CTNNA3: variants seen among roughly 807,000 people sequenced by gnomAD.
CTNNA3 encodes the protein catenin alpha 3, also known as catenin alpha-3.
A neutral mutation model predicts 95.7 loss-of-function variants in CTNNA3; 76 were observed. The observed-to-expected ratio is 0.79, with a 90% CI of 0.66 to 0.96. The LOEUF is 0.96. CTNNA3 is among the 40% of genes least tolerant of loss of function. The probability of loss-of-function intolerance (pLI) is 0.00; values close to 1 mark genes in which losing one functional copy is unlikely to be tolerated. For missense variants in CTNNA3, 1,191 were observed against 1,089.8 expected (o/e 1.09, Z -1.31); for synonymous variants, 431 against 374.4 (o/e 1.15, Z -1.74).
chr10:66,607,812 G>A (rs890132736), intron 10 of CTNNA3, among the ~76,000 whole-genome samples: 6 of 152,028 alleles, frequency 3.9e-5, no homozygotes, highest in African/African-American at 1.4e-4. Flanking sequence ...AATAATAACA[G>A]TCATCTATGA....
At chr10:66,829,854 T>TTGTTGTTGTTGTTGTTG (rs1842650574) in intron 7 of CTNNA3, among the ~76,000 whole-genome samples, 3 of 148,256 alleles carry the variant, frequency 2.0e-5, no homozygotes, top group African/African-American at 7.5e-5. Flanking sequence ...CCCCAGGGGA[T>TTGTTGTTGTTGTTGTTG]TTGTTGTTGT....
intron 12 of CTNNA3, among the ~76,000 whole-genome samples, chr10:66,284,197 T>A (rs1238183464): frequency 6.6e-6 from 1 of 151,946 alleles, no homozygotes; most frequent in African/African-American, 2.4e-5. Context: ...CTATACTTTC[T>A]CTGCCTACTT....
intron 13 of CTNNA3, among the ~76,000 whole-genome samples, chr10:66,188,534 T>C (rs944466986): frequency 2.7e-5 from 4 of 150,848 alleles, no homozygotes; most frequent in Admixed American, 6.6e-5. Context: ...GGTGATTTTC[T>C]TATTTTTAAA....
intron 5 of CTNNA3, among the ~76,000 whole-genome samples, chr10:67,496,830 A>T: frequency 6.6e-6 from 1 of 152,202 alleles, no homozygotes; most frequent in East Asian, 1.9e-4. Context: ...AATTCCAATG[A>T]TAAACACTTA....
chr10:67,081,445 T>G (rs1857052254), intron 7 of CTNNA3, among the ~76,000 whole-genome samples: 1 of 152,206 alleles, frequency 6.6e-6, no homozygotes, highest in African/African-American at 2.4e-5. Context: ...AACTGTAAGA[T>G]GCAGATTATT....
rs115195273 is a variant in CTNNA3, at chr10:66,111,467, T to C, written c.1885-8218A>G. On this transcript the variant is annotated intron_variant, in intron 13 of 17. Transcript: ENST00000433211. ...TTTTTCAGTTCCATTATAGCCTTCT[T>C]AGGGGACCATTATCCTATATGCAGT... 5.7e-3 allele frequency among the ~76,000 whole-genome samples: 864 copies of C among 152,328 alleles called. 8 individuals carry two copies. The highest frequency in any genetic ancestry group is 0.02 in the African/African-American group (818 of 41,568).
At chr10:66,947,833 C>A (rs993974295) in intron 7 of CTNNA3, among the ~76,000 whole-genome samples, 2 of 152,134 alleles carry the variant, frequency 1.3e-5, no homozygotes, top group South Asian at 4.1e-4. Flanking sequence ...AGTCATGTGG[C>A]GCTTAGCGAC....
chr10:67,293,670 C>A, intron 5 of CTNNA3, among the ~76,000 whole-genome samples: 1 of 119,492 alleles, frequency 8.4e-6, no homozygotes, highest in African/African-American at 3.3e-5. Context: ...CTCCCCCTCC[C>A]CCCACCCCAC....
At chr10:66,376,666 A>G (rs76873699) in intron 12 of CTNNA3, among the ~76,000 whole-genome samples, 2,809 of 152,276 alleles carry the variant, frequency 0.018, 74 homozygotes, top group African/African-American at 0.065. Flanking sequence ...TTGGTAATAA[A>G]CAACAATTCA....
intron 11 of CTNNA3, among the ~76,000 whole-genome samples, chr10:66,481,391 T>C (rs916796199): frequency 6.6e-6 from 1 of 151,766 alleles, no homozygotes; most frequent in Non-Finnish European, 1.5e-5. Context: ...TACTTACTAA[T>C]TATTATAAGT....
chr10:66,451,853 C>T (rs750414008), intron 11 of CTNNA3, among the ~76,000 whole-genome samples: 2 of 152,180 alleles, frequency 1.3e-5, no homozygotes, highest in African/African-American at 2.4e-5. Context: ...CTAAGCATCC[C>T]GACAGGGCCA....
intron 5 of CTNNA3, among the ~76,000 whole-genome samples, chr10:67,464,997 T>C (rs1847531629): frequency 6.6e-6 from 1 of 152,044 alleles, no homozygotes; most frequent in African/African-American, 2.4e-5. Context: ...ATGAAGGCAA[T>C]TGCCTGTGTT....
In CTNNA3 at chr10:67,478,923, GATCT is replaced by G. The variant is rs529268717; in HGVS notation, c.579+42915_579+42918del. ...GCTACCAAGTAATGAGTTGGGAAAA[GATCT>G]ATCATGTAAACAGAAAACAAAAAAA... On this transcript the variant is annotated intron_variant, in intron 5 of 17. Transcript: ENST00000433211. Among the ~76,000 whole-genome samples, 12 of 149,720 alleles carry G rather than the reference GATCT, an allele frequency of 8.0e-5. No homozygotes were observed. In the East Asian group the frequency reaches 2.4e-3, roughly 30 times the overall value.
intron 3 of CTNNA3, among the ~76,000 whole-genome samples, chr10:67,589,695 A>G (rs960017554): frequency 1.3e-5 from 2 of 152,134 alleles, no homozygotes; most frequent in Non-Finnish European, 2.9e-5. Flanking sequence ...TTGCAATTAA[A>G]ATCTATAATT....
At chr10:66,121,866 AC>A (rs2082598412) in intron 13 of CTNNA3, among the ~76,000 whole-genome samples, 2 of 152,214 alleles carry the variant, frequency 1.3e-5, no homozygotes, top group East Asian at 3.8e-4. Flanking sequence ...GCTGAGGTTT[AC>A]CAACTTTTTA....
At chr10:67,079,917 T>C (rs186627473) in intron 7 of CTNNA3, among the ~76,000 whole-genome samples, 13 of 132,014 alleles carry the variant, frequency 9.8e-5, no homozygotes, top group Admixed American at 6.8e-4. Context: ...ACAAAGATAG[T>C]CACTAACACA....
At chr10:66,251,876 G>T (rs1355027959) in intron 13 of CTNNA3, among the ~76,000 whole-genome samples, 3 of 152,208 alleles carry the variant, frequency 2.0e-5, no homozygotes, top group Non-Finnish European at 4.4e-5. Flanking sequence ...TCCCCATTTT[G>T]CAAATGAGGA....
intron 12 of CTNNA3, among the ~76,000 whole-genome samples, chr10:66,354,246 T>A (rs886956626): frequency 1.3e-5 from 2 of 151,020 alleles, no homozygotes; most frequent in Non-Finnish European, 1.5e-5. Flanking sequence ...GATGGCACCA[T>A]TGCCCTCCAG....
At chr10:66,467,558 G>A (rs765930953) in intron 11 of CTNNA3, among the ~76,000 whole-genome samples, 23 of 151,986 alleles carry the variant, frequency 1.5e-4, no homozygotes, top group Non-Finnish European at 2.4e-4. Context: ...TCTCATTAAG[G>A]AGAGAGGAGA....
Sources: allele counts gnomAD v4.1 joint callset (sites outside exome capture counted in the v4.1 genomes callset), GRCh38; gene constraint gnomAD v4.1.1; transcripts MANE v1.5; gene names NCBI Gene and HGNC (gene_info 2026-07-23, HGNC 2026-07-21).